Variants in CRACD observed in about 807,000 individuals in gnomAD.
The protein encoded by CRACD is capping protein inhibiting regulator of actin dynamics, also known as capping protein-inhibiting regulator of actin dynamics.
Under a neutral mutation model 106.8 loss-of-function variants are expected in CRACD, and 56 were observed. The observed-to-expected ratio is 0.52, with a 90% confidence interval of 0.42 to 0.66. The LOEUF is 0.66. CRACD is among the 30% of genes least tolerant of loss of function. The pLI, the probability that CRACD is intolerant of heterozygous loss-of-function variation, is 0.00. For synonymous variants in CRACD, 754 were observed against 670.8 expected (o/e 1.12, Z -1.92); for missense variants, 1,730 against 1,623.2 (o/e 1.07, Z -1.13).
intron 1 of CRACD, among the ~76,000 whole-genome samples, chr4:56,122,970 G>A (rs1734540069): frequency 6.6e-6 from 1 of 152,132 alleles, no homozygotes; most frequent in African/African-American, 2.4e-5. Flanking sequence ...TCCTCAAACT[G>A]TTATGAGCAT....
intron 1 of CRACD, among the ~76,000 whole-genome samples, chr4:56,066,209 C>T (rs1474564684): frequency 3.3e-5 from 5 of 152,132 alleles, no homozygotes; most frequent in African/African-American, 7.2e-5. Context: ...TGTGGCTCTC[C>T]GTAACACCCC....
intron 2 of CRACD, among the ~76,000 whole-genome samples, chr4:56,248,029 A>G (rs978245463): frequency 6.6e-6 from 1 of 152,178 alleles, no homozygotes; most frequent in Non-Finnish European, 1.5e-5. Flanking sequence ...ATAAAACATC[A>G]CAGCAGCACC....
chr4:56,168,950 A>G (rs1271013661), intron 1 of CRACD, among the ~76,000 whole-genome samples: 1 of 152,168 alleles, frequency 6.6e-6, no homozygotes, highest in African/African-American at 2.4e-5. Flanking sequence ...GAAAAACGTC[A>G]TCAGTAGTTC....
At chr4:56,090,906 G>T (rs1577956583) in intron 1 of CRACD, among the ~76,000 whole-genome samples, 1 of 152,324 alleles carries the variant, frequency 6.6e-6, no homozygotes, top group South Asian at 2.1e-4. Context: ...AGTTCTGGCA[G>T]TGTTTGGGTT....
rs1055680064 is a variant in CRACD, at chr4:56,310,747, G to A, written c.354+13G>A. On this transcript the variant is annotated intron_variant, in intron 6 of 10. Transcript: ENST00000682029. ...GATGGAAGAGAAGGTAATATGATTT[G>A]AACTTATTTATTTGGCTTCTTTCCT... 1 of 1,567,918 alleles carries A rather than the reference G, an allele frequency of 6.4e-7. No individual in the cohort carries two copies. The highest frequency in any genetic ancestry group is 8.8e-7 in the Non-Finnish European group (1 of 1,139,450).
intron 2 of CRACD, among the ~76,000 whole-genome samples, chr4:56,271,293 A>G (rs1182588983): frequency 6.6e-6 from 1 of 152,194 alleles, no homozygotes; most frequent in Non-Finnish European, 1.5e-5. Flanking sequence ...CGGAGGACTG[A>G]AAGGTATTAC....
intron 1 of CRACD, among the ~76,000 whole-genome samples, chr4:56,121,496 T>C (rs1031208553): frequency 1.3e-5 from 2 of 152,108 alleles, no homozygotes; most frequent in Non-Finnish European, 2.9e-5. Context: ...ATTCAAAAAT[T>C]AGCCGGGAGT....
At chr4:56,101,117 AGAAGCCTCTTGCTTTC>A (rs67638461) in intron 1 of CRACD, among the ~76,000 whole-genome samples, 22,223 of 152,080 alleles carry the variant, frequency 0.15, 1,655 homozygotes, top group East Asian at 0.25. Flanking sequence ...TTATTTATAG[AGAAGCCTCTTGCTTTC>A]TAGTTAAAGG....
chr4:56,086,285 G>A (rs1733216589), intron 1 of CRACD, among the ~76,000 whole-genome samples: 1 of 152,090 alleles, frequency 6.6e-6, no homozygotes, highest in Non-Finnish European at 1.5e-5. Flanking sequence ...GTGTTTGTTT[G>A]TTTGTTTGTT....
intron 2 of CRACD, among the ~76,000 whole-genome samples, chr4:56,223,946 A>C (rs917227035): frequency 2.0e-5 from 3 of 151,910 alleles, no homozygotes; most frequent in Non-Finnish European, 2.9e-5. Context: ...TTTTGTGGAG[A>C]CAGGGTCTTG....
chr4:56,239,538 G>A lies in CRACD; in HGVS notation c.-188-32783G>A, dbSNP rs1285629804. On this transcript the variant is annotated intron_variant, in intron 2 of 10. Transcript: ENST00000682029. ...TGTTTTTATCCAAGAATGATACAGA[G>A]AGCCATCAAAACCTCCCTCTCCCCT... Among the ~76,000 whole-genome samples the A allele has an allele frequency of 2.0e-5, 3 of 151,894 alleles. No individual in the cohort carries two copies. The East Asian group carries it at 5.8e-4, about 29-fold the overall frequency.
At chr4:56,276,602 G>A (rs480497) in intron 3 of CRACD, among the ~76,000 whole-genome samples, 71,810 of 152,064 alleles carry the variant, frequency 0.47, 17,902 homozygotes, top group African/African-American at 0.64. Context: ...AAGGCTAGCA[G>A]GTAATTTGCC....
At chr4:56,072,420 T>C (rs1732690453) in intron 1 of CRACD, among the ~76,000 whole-genome samples, 1 of 152,092 alleles carries the variant, frequency 6.6e-6, no homozygotes, top group African/African-American at 2.4e-5. Context: ...GAGACAAAAA[T>C]TTGCTTTAAT....
chr4:56,245,706 T>C (rs768341881), intron 2 of CRACD, among the ~76,000 whole-genome samples: 1 of 152,174 alleles, frequency 6.6e-6, no homozygotes, highest in Non-Finnish European at 1.5e-5. Flanking sequence ...ACAAACTGTT[T>C]CCTGAAGTCA....
chr4:56,232,240 C>G (rs900010491), intron 2 of CRACD, among the ~76,000 whole-genome samples: 3 of 152,088 alleles, frequency 2.0e-5, no homozygotes, highest in Non-Finnish European at 4.4e-5. Context: ...TTTTTATCTG[C>G]CTTTTTTAAC....
At chr4:56,254,180 G>A (rs990464027) in intron 2 of CRACD, among the ~76,000 whole-genome samples, 2 of 152,184 alleles carry the variant, frequency 1.3e-5, no homozygotes, top group African/African-American at 4.8e-5. Flanking sequence ...GAGGAATGTG[G>A]TTAGAGGACA....
chr4:56,143,643 A>C (rs964160206), intron 1 of CRACD, among the ~76,000 whole-genome samples: 14 of 152,136 alleles, frequency 9.2e-5, no homozygotes, highest in African/African-American at 3.4e-4. Context: ...TCATCCTTGC[A>C]GTCTTCAAGT....
intron 2 of CRACD, among the ~76,000 whole-genome samples, chr4:56,201,382 G>A (rs1429384221): frequency 2.0e-5 from 3 of 152,062 alleles, no homozygotes; most frequent in Non-Finnish European, 4.4e-5. Flanking sequence ...TGCATTCTAG[G>A]GCATGAAAAC....
intron 2 of CRACD, among the ~76,000 whole-genome samples, chr4:56,251,335 GC>G (rs1326527600): frequency 2.0e-5 from 3 of 152,138 alleles, no homozygotes; most frequent in African/African-American, 7.2e-5. Flanking sequence ...TCAAATAGTG[GC>G]TTCACTGTCA....
Sources: gnomAD v4.1 joint callset for allele counts (sites outside exome capture counted in the v4.1 genomes callset) on GRCh38, gnomAD v4.1.1 for gene constraint, MANE v1.5 for transcripts, NCBI Gene and HGNC (gene_info 2026-07-23, HGNC 2026-07-21) for gene names.